Variants in LAMA1 observed in about 807,000 individuals in gnomAD.
LAMA1 encodes laminin subunit alpha 1, also known as laminin subunit alpha-1.
LAMA1 carries 219 observed loss-of-function variants against 348.7 expected under a neutral mutation model. The observed-to-expected ratio is 0.63, with a 90% CI of 0.56 to 0.70. The LOEUF (loss-of-function observed/expected upper bound fraction) is 0.70. LAMA1 is among the 30% of genes least tolerant of loss of function. The pLI, the probability that LAMA1 is intolerant of heterozygous loss-of-function variation, is 0.00. For missense variants in LAMA1, 3,744 were observed against 3,888.0 expected (o/e 0.96, Z 0.99); for synonymous variants, 1,487 against 1,491.0 (o/e 1.00, Z 0.06).
chr18:7,090,404 A>AT (rs977755725), intron 1 of LAMA1, among the ~76,000 whole-genome samples: 7 of 151,050 alleles, frequency 4.6e-5, no homozygotes, highest in South Asian at 2.1e-4. Context: ...ACCTGGGAGT[A>AT]TTTTTTTTTA....
intron 39 of LAMA1, 30 bp from the exon 40 acceptor site, chr18:6,983,264 T>C (rs1355967179): frequency 2.5e-6 from 4 of 1,613,666 alleles, no homozygotes; most frequent in Non-Finnish European, 3.4e-6. Flanking sequence ...AGATACGTTA[T>C]GATAAACTAA....
At chr18:7,020,802 G>C (rs112585908) in intron 19 of LAMA1, among the ~76,000 whole-genome samples, 2,081 of 152,186 alleles carry the variant, frequency 0.014, 40 homozygotes, top group African/African-American at 0.047. Flanking sequence ...GATTCATTTC[G>C]GGTCTTGTCT....
chr18:7,015,782 AC>A lies in LAMA1; in HGVS notation c.3065del (p.Gly1022ValfsTer2). 1.2e-6 allele frequency: 2 copies of A among 1,613,622 alleles called. No homozygotes were observed. The highest frequency in any genetic ancestry group is 1.7e-6 in the Non-Finnish European group (2 of 1,179,908). ...CATCCTCACATTCTTCACACTTCAC[AC>A]CCTGTGTGTGAGGGGGGCAGACACA... is the stretch of plus-strand genomic sequence containing the variant. ...GECVCPPHTQ[G>X]VKCEECEDGH... is the part of the protein sequence containing the mutation. On this transcript the variant is annotated frameshift_variant, in exon 22 of 63. Coordinates refer to ENST00000389658, the MANE Select transcript of LAMA1 (RefSeq NM_005559.4). LOFTEE classifies it high-confidence loss of function.
intron 10 of LAMA1, among the ~76,000 whole-genome samples, chr18:7,039,848 G>C (rs2058012479): frequency 6.6e-6 from 1 of 152,116 alleles, no homozygotes; most frequent in African/African-American, 2.4e-5. Context: ...AATGCCTCTG[G>C]AATATATCAC....
At chr18:7,010,478 G>A in intron 25 of LAMA1, 93 bp from the exon 26 acceptor site, 2 of 1,214,398 alleles carry the variant, frequency 1.6e-6, no homozygotes, top group South Asian at 1.3e-5. Context: ...GAGAAATCTT[G>A]TATCTTAAAA....
intron 40 of LAMA1, among the ~76,000 whole-genome samples, chr18:6,982,897 A>G (rs1450716846): frequency 1.3e-5 from 2 of 152,248 alleles, no homozygotes; most frequent in Non-Finnish European, 2.9e-5. Flanking sequence ...TCTCATCTCC[A>G]CACTGGTTTC....
At chr18:7,033,447 C>T (rs1224664202) in intron 14 of LAMA1, among the ~76,000 whole-genome samples, 8 of 119,462 alleles carry the variant, frequency 6.7e-5, no homozygotes, top group Non-Finnish European at 1.2e-4. Flanking sequence ...TAGAGGGAGA[C>T]TCTGTCTCAA....
chr18:6,947,074 G>C lies in LAMA1; in HGVS notation c.8844+89C>G, dbSNP rs139941072. 1.4e-4 allele frequency: 209 copies of C among 1,524,050 alleles called. No homozygotes were observed. The East Asian group carries it at 3.6e-3, about 26-fold the overall frequency. 94.4% of individuals were successfully genotyped at this position (1,524,050 alleles called of 1,614,324 possible). ...ACCATTGTTTGACTCCATGAAAATA[G>C]ATAGTTGTGAATTTGAATCTGCTGT... On this transcript the variant is annotated intron_variant, in intron 61 of 62. Coordinates refer to ENST00000389658, the MANE Select transcript of LAMA1 (RefSeq NM_005559.4).
chr18:7,062,367 A>G (rs73376819), intron 3 of LAMA1, among the ~76,000 whole-genome samples: 2,413 of 152,186 alleles, frequency 0.016, 70 homozygotes, highest in African/African-American at 0.054. Context: ...ACTGAGGGGA[A>G]CTCTGAGGGC....
chr18:7,056,249 A>C (rs2058081551), intron 3 of LAMA1, among the ~76,000 whole-genome samples: 1 of 152,154 alleles, frequency 6.6e-6, no homozygotes, highest in Non-Finnish European at 1.5e-5. Context: ...GCACCTGTGA[A>C]ACTTGACTTC....
chr18:6,983,651 C>G (rs1278870019), intron 39 of LAMA1, among the ~76,000 whole-genome samples: 2 of 152,190 alleles, frequency 1.3e-5, no homozygotes, highest in Non-Finnish European at 2.9e-5. Flanking sequence ...TCTAAGCATA[C>G]CTGAGGCCGC....
intron 1 of LAMA1, among the ~76,000 whole-genome samples, chr18:7,101,894 G>A (rs540797956): frequency 1.3e-5 from 2 of 150,204 alleles, no homozygotes; most frequent in Admixed American, 1.3e-4. Flanking sequence ...GCCCAGGCTG[G>A]TCTCGAACTC....
At chr18:7,040,496 T>C (rs966329315) in intron 9 of LAMA1, among the ~76,000 whole-genome samples, 1 of 152,206 alleles carries the variant, frequency 6.6e-6, no homozygotes, top group Non-Finnish European at 1.5e-5. Context: ...CCATGGGCCA[T>C]AGTTTGCCAA....
At chr18:6,998,373 C>G (rs116864625) in intron 32 of LAMA1, among the ~76,000 whole-genome samples, 1 of 152,246 alleles carries the variant, frequency 6.6e-6, no homozygotes, top group East Asian at 1.9e-4. Context: ...ACGGATGCAC[C>G]TAAAGACAGG....
At chr18:7,014,100 C>T (rs1266895674) in intron 22 of LAMA1, 49 bp from the exon 23 acceptor site, 1 of 1,343,728 alleles carries the variant, frequency 7.4e-7, no homozygotes, top group Non-Finnish European at 1.1e-6. Context: ...TTTGATGCTT[C>T]CAAATGCACA....
chr18:6,975,859 G>A (rs1036703913), intron 45 of LAMA1, 78 bp downstream of exon 45: 32 of 1,553,712 alleles, frequency 2.1e-5, no homozygotes, highest in Admixed American at 7.5e-5. Flanking sequence ...TTTTTTTTTC[G>A]TCAAATAAGT....
chr18:6,981,460 T>G (rs11664481), intron 41 of LAMA1, among the ~76,000 whole-genome samples: 4,955 of 152,258 alleles, frequency 0.033, 118 homozygotes, highest in Middle Eastern at 0.065. Flanking sequence ...TCAAGTTTGA[T>G]CACAGCTTTT....
Position 7,041,001 on chromosome 18 carries a change from A to G in LAMA1, c.1262-765T>C, listed in dbSNP as rs113378487. On this transcript the variant is annotated intron_variant, in intron 9 of 62. Transcript: ENST00000389658. Reference sequence around the variant, plus strand: ...CGGGAGAAGGGGCTGGAGGAAAGTAAGAAGTGACAGCTAGTTTGTAAGGGG... The same window carrying G: ...CGGGAGAAGGGGCTGGAGGAAAGTAGGAAGTGACAGCTAGTTTGTAAGGGG... 2.2e-3 allele frequency among the ~76,000 whole-genome samples: 328 copies of G among 152,294 alleles called. 1 individual carries two copies. The highest frequency in any genetic ancestry group is 7.5e-3 in the African/African-American group (313 of 41,574).
intron 3 of LAMA1, among the ~76,000 whole-genome samples, chr18:7,062,948 A>G (rs978745563): frequency 2.6e-5 from 4 of 152,194 alleles, no homozygotes; most frequent in African/African-American, 9.6e-5. Flanking sequence ...AAAACACACG[A>G]GCATCACACT....
Sources: allele counts gnomAD v4.1 joint callset (sites outside exome capture counted in the v4.1 genomes callset), GRCh38; gene constraint gnomAD v4.1.1; transcripts MANE v1.5; gene names NCBI Gene and HGNC (gene_info 2026-07-23, HGNC 2026-07-21).